KCNH1: variants seen among roughly 807,000 people sequenced by gnomAD.
The protein encoded by KCNH1 is potassium voltage-gated channel subfamily H member 1.
A neutral mutation model predicts 69.2 loss-of-function variants in KCNH1; 27 were observed. The ratio of observed to expected loss-of-function variants is 0.39; its 90% CI spans 0.29 to 0.54. The LOEUF is 0.54. Among genes scored for constraint, KCNH1 ranks in the 20% least tolerant of loss-of-function variants. The pLI is 0.68. For synonymous variants in KCNH1, 456 were observed against 487.7 expected (o/e 0.93, Z 0.86); for missense variants, 798 against 1,261.6 (o/e 0.63, Z 5.57).
At chr1:211,032,778 C>T (rs1159172588) in intron 5 of KCNH1, among the ~76,000 whole-genome samples, 1 of 152,214 alleles carries the variant, frequency 6.6e-6, no homozygotes, top group East Asian at 1.9e-4. Flanking sequence ...GGATTAAAGA[C>T]TTAAATATTA....
chr1:210,859,201 A>G, intron 7 of KCNH1: 2 of 1,610,076 alleles, frequency 1.2e-6, no homozygotes, highest in Non-Finnish European at 1.7e-6. Context: ...CTGGGCCTCC[A>G]AAATTGAAAG....
At chr1:210,858,149 G>A (rs1685895987) in intron 7 of KCNH1, 1 of 152,158 alleles carries the variant, frequency 6.6e-6, no homozygotes, top group Non-Finnish European at 1.5e-5. Flanking sequence ...TCTTTTAATA[G>A]ATTGCATATA....
chr1:210,854,115 A>C (rs1311411219), intron 7 of KCNH1, among the ~76,000 whole-genome samples: 1 of 152,200 alleles, frequency 6.6e-6, no homozygotes, highest in Non-Finnish European at 1.5e-5. Context: ...GGAAAAATTC[A>C]GCAAATGATC....
chr1:210,996,306 G>T (rs543049322), intron 6 of KCNH1, among the ~76,000 whole-genome samples: 48 of 152,302 alleles, frequency 3.2e-4, no homozygotes, highest in African/African-American at 1.2e-3. Flanking sequence ...TTTTCCAACG[G>T]GCTTAAAAAA....
Position 210,811,846 on chromosome 1 carries a change from A to G in KCNH1, c.1463-7680T>C, listed in dbSNP as rs77756915. Among the ~76,000 whole-genome samples, 12 of 152,314 alleles carry G rather than the reference A, an allele frequency of 7.9e-5. No homozygotes were observed. In the East Asian group the frequency reaches 2.3e-3, roughly 29 times the overall value. Reference sequence around the variant, plus strand: ...TCCAAGATCAAAGAAATAATGCAATATGTAGCAAGGCCAGAACCCAGGATC... The same window carrying G: ...TCCAAGATCAAAGAAATAATGCAATGTGTAGCAAGGCCAGAACCCAGGATC... On this transcript the variant is annotated intron_variant, in intron 7 of 10. Coordinates refer to ENST00000271751, the MANE Select transcript of KCNH1 (RefSeq NM_172362.3).
chr1:210,718,175 C>T (rs1682309886), intron 10 of KCNH1, among the ~76,000 whole-genome samples: 1 of 145,366 alleles, frequency 6.9e-6, no homozygotes, highest in African/African-American at 2.5e-5. Flanking sequence ...TTTTATTTAA[C>T]ATAATATGTC....
chr1:210,845,963 T>C (rs1237571264), intron 7 of KCNH1, among the ~76,000 whole-genome samples: 2 of 152,150 alleles, frequency 1.3e-5, no homozygotes, highest in African/African-American at 4.8e-5. Context: ...AAATCATGAG[T>C]GAACTCCCAT....
chr1:210,996,625 T>C (rs575667860), intron 6 of KCNH1, among the ~76,000 whole-genome samples: 4 of 152,312 alleles, frequency 2.6e-5, no homozygotes, highest in African/African-American at 9.6e-5. Context: ...CTGACAGCTT[T>C]GAAGACAGTA....
chr1:211,056,067 G>A (rs1428315214), intron 5 of KCNH1, among the ~76,000 whole-genome samples: 1 of 152,162 alleles, frequency 6.6e-6, no homozygotes, highest in Admixed American at 6.5e-5. Flanking sequence ...TCATCTTACA[G>A]TTTGGGTACC....
intron 10 of KCNH1, among the ~76,000 whole-genome samples, chr1:210,739,138 C>T (rs967543220): frequency 6.6e-6 from 1 of 152,174 alleles, no homozygotes; most frequent in Non-Finnish European, 1.5e-5. Flanking sequence ...TAAAGTTCTA[C>T]AATCTTATTA....
At chr1:210,878,283 A>G (rs79153042) in intron 7 of KCNH1, among the ~76,000 whole-genome samples, 15,729 of 152,100 alleles carry the variant, frequency 0.1, 1,091 homozygotes, top group Non-Finnish European at 0.15. Context: ...CAAAAGCATC[A>G]TTAGTCAACT....
chr1:210,765,043 A>G (rs1182349857), intron 10 of KCNH1, among the ~76,000 whole-genome samples: 2 of 152,196 alleles, frequency 1.3e-5, no homozygotes, highest in Admixed American at 1.3e-4. Context: ...GAACAAAATC[A>G]TGTCCTTTGC....
At chr1:211,092,873 A>G (rs1250171883) in intron 3 of KCNH1, among the ~76,000 whole-genome samples, 2 of 152,016 alleles carry the variant, frequency 1.3e-5, no homozygotes, top group African/African-American at 4.8e-5. Flanking sequence ...TTCAGATGAT[A>G]AACCAGAAAA....
Position 210,919,407 on chromosome 1 carries a change from G to A in KCNH1, c.1462+233C>T. ...CAGTATTAGTAGTTATCTCTGAAAA[G>A]CAGAATTATGGATAGTCTTTACTTT... On this transcript the variant is annotated intron_variant, in intron 7 of 10. Transcript: ENST00000271751. This position sits in a 1 kb window ranked among gnomAD's most constrained non-coding sequence, Gnocchi z 4.2. 1 of 518,158 alleles carries A rather than the reference G, an allele frequency of 1.9e-6. No individual in the cohort carries two copies. The highest frequency in any genetic ancestry group is 3.5e-6 in the Non-Finnish European group (1 of 289,286). 32.1% of individuals were successfully genotyped at this position (518,158 alleles called of 1,614,324 possible).
At chr1:210,786,466 C>T (rs925497573) in intron 9 of KCNH1, among the ~76,000 whole-genome samples, 1 of 152,070 alleles carries the variant, frequency 6.6e-6, no homozygotes, top group African/African-American at 2.4e-5. Context: ...TCTGTTATAT[C>T]CCTCTCTCCT....
chr1:210,890,062 T>C (rs1240677648), intron 7 of KCNH1, among the ~76,000 whole-genome samples: 3 of 151,964 alleles, frequency 2.0e-5, no homozygotes, highest in South Asian at 4.2e-4. Context: ...TCATATGGAA[T>C]GAAAAAAGAG....
chr1:211,069,966 C>T (rs1360632457), intron 5 of KCNH1, among the ~76,000 whole-genome samples: 1 of 152,024 alleles, frequency 6.6e-6, no homozygotes, highest in Non-Finnish European at 1.5e-5. Context: ...AATTGTGGGA[C>T]AACTACAAAA....
chr1:210,985,023 A>G (rs1016348319), intron 6 of KCNH1, among the ~76,000 whole-genome samples: 36 of 152,058 alleles, frequency 2.4e-4, no homozygotes, highest in East Asian at 2.1e-3. Context: ...GAGGGTGTAT[A>G]TGTCGAGGAA....
At chr1:210,746,650 C>T (rs144369468) in intron 10 of KCNH1, among the ~76,000 whole-genome samples, 4 of 152,110 alleles carry the variant, frequency 2.6e-5, no homozygotes, top group Admixed American at 6.5e-5. Flanking sequence ...TGGGTTCAAG[C>T]GATTATCCTG....
Sources: allele counts gnomAD v4.1 joint callset (sites outside exome capture counted in the v4.1 genomes callset), GRCh38; gene constraint gnomAD v4.1.1; non-coding constraint Gnocchi (gnomAD v3.1); transcripts MANE v1.5; gene names NCBI Gene and HGNC (gene_info 2026-07-23, HGNC 2026-07-21).